Variants in RAB27B observed in about 807,000 individuals in gnomAD.
RAB27B encodes ras-related protein Rab-27B.
In RAB27B, 15 loss-of-function variants were observed where a neutral mutation model predicts 24.6. The observed-to-expected ratio is 0.61, with a 90% CI of 0.41 to 0.94. The LOEUF (loss-of-function observed/expected upper bound fraction) is 0.94. Ranked by LOEUF, RAB27B falls within the 40% of genes least tolerant of loss-of-function variation. The pLI, the probability that RAB27B is intolerant of heterozygous loss-of-function variation, is 0.00. For missense variants in RAB27B, 261 were observed against 266.8 expected (o/e 0.98, Z 0.15); for synonymous variants, 105 against 92.5 (o/e 1.14, Z -0.78).
chr18:54,818,508 T>A (rs890969511), intron 2 of RAB27B, among the ~76,000 whole-genome samples: 1 of 152,166 alleles, frequency 6.6e-6, no homozygotes, highest in Non-Finnish European at 1.5e-5. Flanking sequence ...TCATTTGGCA[T>A]TTTGTTGTCC....
chr18:54,799,601 A>C (rs142292874), intron 2 of RAB27B, among the ~76,000 whole-genome samples: 6,228 of 147,980 alleles, frequency 0.042, 195 homozygotes, highest in Admixed American at 0.081. Flanking sequence ...ATATCAGAAT[A>C]TATAATAAAA....
In RAB27B at chr18:54,860,222, G is replaced by A. The variant is rs542452465; in HGVS notation, c.-19-17345G>A. 3.9e-5 allele frequency among the ~76,000 whole-genome samples: 6 copies of A among 152,270 alleles called. No individual in the cohort carries two copies. In the South Asian group the frequency reaches 1.2e-3, roughly 32 times the overall value. ...CAGATAAACATCCTAAGAATCAAGG[G>A]TTAAGTACTTTTTCCTGTAGTTGGT... is the stretch of plus-strand genomic sequence containing the variant. On this transcript the variant is annotated intron_variant, in intron 1 of 5. Coordinates refer to ENST00000262094, the MANE Select transcript of RAB27B (RefSeq NM_004163.4).
intron 2 of RAB27B, among the ~76,000 whole-genome samples, chr18:54,736,614 G>T (rs554212543): frequency 6.6e-6 from 1 of 152,244 alleles, no homozygotes; most frequent in Non-Finnish European, 1.5e-5. Flanking sequence ...GAAGTACAAA[G>T]GGAAGCCTTC....
intron 1 of RAB27B, among the ~76,000 whole-genome samples, chr18:54,835,726 A>G (rs1386817492): frequency 1.3e-5 from 2 of 152,066 alleles, no homozygotes; most frequent in Non-Finnish European, 2.9e-5. Context: ...CCTGCATAGC[A>G]GTAATAGTAA....
chr18:54,767,914 G>C (rs1908414613), intron 2 of RAB27B, among the ~76,000 whole-genome samples: 1 of 152,136 alleles, frequency 6.6e-6, no homozygotes, highest in African/African-American at 2.4e-5. Flanking sequence ...GGGAGTGCTT[G>C]TGTTGGAGGA....
At chr18:54,780,367 T>C (rs1367632754) in intron 2 of RAB27B, among the ~76,000 whole-genome samples, 10 of 71,864 alleles carry the variant, frequency 1.4e-4, no homozygotes, top group East Asian at 9.2e-4. Flanking sequence ...TCCCCCTCAC[T>C]GTGTCTCCCC....
chr18:54,825,653 G>C (rs1394029455), upstream of RAB27B, among the ~76,000 whole-genome samples: 1 of 152,022 alleles, frequency 6.6e-6, no homozygotes, highest in African/African-American at 2.4e-5. Context: ...GGGTAAAAAG[G>C]CATGTGTTCA....
chr18:54,822,472 T>C (rs754966577), intron 2 of RAB27B, among the ~76,000 whole-genome samples: 4 of 152,234 alleles, frequency 2.6e-5, no homozygotes, highest in Non-Finnish European at 4.4e-5. Flanking sequence ...TGTACTTATA[T>C]GGTAAGCCCA....
intron 2 of RAB27B, among the ~76,000 whole-genome samples, chr18:54,791,126 C>G (rs1258711723): frequency 6.6e-6 from 1 of 151,982 alleles, no homozygotes; most frequent in African/African-American, 2.4e-5. Flanking sequence ...ATTTTAGCAT[C>G]CAATATTTGT....
chr18:54,744,566 ATTC>A (rs1203929646), intron 2 of RAB27B, among the ~76,000 whole-genome samples: 2 of 152,222 alleles, frequency 1.3e-5, no homozygotes, highest in African/African-American at 2.4e-5. Context: ...TATGATAATT[ATTC>A]TTATTTGATC....
chr18:54,782,328 C>T (rs770645962), intron 2 of RAB27B, among the ~76,000 whole-genome samples: 14 of 152,132 alleles, frequency 9.2e-5, no homozygotes, highest in Non-Finnish European at 1.8e-4. Flanking sequence ...TGTATTTTAG[C>T]ACAGACTTGG....
intron 2 of RAB27B, among the ~76,000 whole-genome samples, chr18:54,724,231 A>G (rs1189939008): frequency 6.6e-6 from 1 of 151,782 alleles, no homozygotes; most frequent in East Asian, 1.9e-4. Context: ...CAACCAGGTC[A>G]AGAAAGACAT....
intron 2 of RAB27B, among the ~76,000 whole-genome samples, chr18:54,755,388 T>C (rs905863883): frequency 5.3e-5 from 8 of 152,040 alleles, no homozygotes; most frequent in Non-Finnish European, 1.2e-4. Context: ...AGACTCCATC[T>C]CAAAAAATTA....
rs138772610 is a variant in RAB27B at position 54,796,334 on chromosome 18, C to T, written c.-20+78193C>T. Among the ~76,000 whole-genome samples, 1,145 of 152,336 alleles carry T rather than the reference C, an allele frequency of 7.5e-3. 15 individuals carry two copies. The highest frequency in any genetic ancestry group is 0.01 in the Non-Finnish European group (685 of 68,032). ...TCTGCAGACAGCTTGTGCTGATCAG[C>T]TCGATAGACCCTCTGTCTTATCGTA... On this transcript the variant is annotated intron_variant, in intron 2 of 4. Transcript: ENST00000586570.
chr18:54,775,408 A>G (rs911262281), intron 2 of RAB27B, among the ~76,000 whole-genome samples: 2 of 152,182 alleles, frequency 1.3e-5, no homozygotes, highest in African/African-American at 2.4e-5. Flanking sequence ...TTGGCATCAT[A>G]TTGCCAAGGA....
In RAB27B at chr18:54,736,482, G is replaced by A. The variant is rs28671670; in HGVS notation, c.-20+18341G>A. On this transcript the variant is annotated intron_variant, in intron 2 of 4. Coordinates refer to the RAB27B transcript ENST00000586570. ...ATTTCTTCATTTAGTAAAAAAAAAA[G>A]GCTATTAATAGCTATTAGGTGCCTA... is the stretch of plus-strand genomic sequence containing the variant. 5.9e-3 allele frequency among the ~76,000 whole-genome samples: 891 copies of A among 151,498 alleles called. 7 individuals are homozygous for A. The highest frequency in any genetic ancestry group is 0.02 in the African/African-American group (848 of 41,382).
chr18:54,881,933 A>G (rs922723701), intron 3 of RAB27B, among the ~76,000 whole-genome samples: 1 of 152,178 alleles, frequency 6.6e-6, no homozygotes, highest in Admixed American at 6.6e-5. Context: ...AATGAGACAC[A>G]CACACTTAAG....
chr18:54,885,202 G>A (rs949234568), intron 4 of RAB27B, among the ~76,000 whole-genome samples: 12 of 152,100 alleles, frequency 7.9e-5, no homozygotes, highest in African/African-American at 2.9e-4. Flanking sequence ...ATCCTAGCAG[G>A]ATATACAAGT....
At chr18:54,823,416 G>T (rs538760409) in intron 2 of RAB27B, among the ~76,000 whole-genome samples, 1 of 142,874 alleles carries the variant, frequency 7.0e-6, no homozygotes, top group East Asian at 2.3e-4. Flanking sequence ...TCATCAGTGA[G>T]GGGGTCAAGT....
Sources: allele counts gnomAD v4.1 joint callset (sites outside exome capture counted in the v4.1 genomes callset), GRCh38; gene constraint gnomAD v4.1.1; transcripts MANE v1.5; gene names NCBI Gene and HGNC (gene_info 2026-07-23, HGNC 2026-07-21).